Variants in KHDRBS3 observed in about 807,000 individuals in gnomAD.
The protein encoded by KHDRBS3 is KH domain-containing, RNA-binding, signal transduction-associated protein 3.
KHDRBS3 carries 23 observed loss-of-function variants against 45.6 expected under a neutral mutation model. The ratio of observed to expected loss-of-function variants is 0.50; its 90% CI spans 0.36 to 0.72. The LOEUF is 0.72. Ranked by LOEUF, KHDRBS3 falls within the 30% of genes least tolerant of loss-of-function variation. KHDRBS3 has a pLI of 0.00. For missense variants in KHDRBS3, 352 were observed against 424.8 expected (o/e 0.83, Z 1.51); for synonymous variants, 162 against 156.5 (o/e 1.04, Z -0.26).
At chr8:135,565,725 G>T (rs1284547563) in intron 5 of KHDRBS3, among the ~76,000 whole-genome samples, 1 of 152,096 alleles carries the variant, frequency 6.6e-6, no homozygotes, top group African/African-American at 2.4e-5. Context: ...AGCAGCTGTG[G>T]TTGCTGGAAA....
At chr8:135,626,378 G>GA (rs1279171737) in intron 7 of KHDRBS3, among the ~76,000 whole-genome samples, 2 of 152,146 alleles carry the variant, frequency 1.3e-5, no homozygotes, top group African/African-American at 4.8e-5. Context: ...ATGAAAACCT[G>GA]AGCCTATAAA....
chr8:135,481,275 T>G (rs77861521), intron 1 of KHDRBS3, among the ~76,000 whole-genome samples: 600 of 8,844 alleles, frequency 0.068, 17 homozygotes, highest in Admixed American at 0.23. Context: ...TCTGTGTACT[T>G]TTTTTTTTTT....
chr8:135,611,518 A>G (rs1472293264), intron 7 of KHDRBS3, among the ~76,000 whole-genome samples: 2 of 151,862 alleles, frequency 1.3e-5, no homozygotes, highest in South Asian at 2.1e-4. Context: ...TGGGGCTGCC[A>G]TAATAAAACG....
intron 7 of KHDRBS3, among the ~76,000 whole-genome samples, chr8:135,637,393 A>G (rs1317034127): frequency 6.6e-6 from 1 of 152,242 alleles, no homozygotes; most frequent in Non-Finnish European, 1.5e-5. Flanking sequence ...TAGAGCAATT[A>G]CCTGGATTAT....
chr8:135,560,167 TAC>T (rs1214832694), intron 5 of KHDRBS3, among the ~76,000 whole-genome samples: 5 of 152,178 alleles, frequency 3.3e-5, no homozygotes, highest in Middle Eastern at 3.2e-3. Context: ...TGTATATATA[TAC>T]AGTTTATTTT....
chr8:135,489,320 ATG>A (rs1314033220), intron 1 of KHDRBS3, among the ~76,000 whole-genome samples: 1 of 152,124 alleles, frequency 6.6e-6, no homozygotes, highest in Non-Finnish European at 1.5e-5. Context: ...TGGTAAGATA[ATG>A]TGTGTCTGGC....
chr8:135,545,325 C>T (rs1446698965), intron 3 of KHDRBS3, among the ~76,000 whole-genome samples: 3 of 152,094 alleles, frequency 2.0e-5, no homozygotes, highest in Non-Finnish European at 2.9e-5. Context: ...GGAACTACCT[C>T]GGCTGTGTAA....
At chr8:135,520,752 A>T (rs1824865131) in intron 1 of KHDRBS3, among the ~76,000 whole-genome samples, 1 of 152,206 alleles carries the variant, frequency 6.6e-6, no homozygotes. Flanking sequence ...ACATGCAAGG[A>T]GGGAAGATTT....
chr8:135,519,765 T>C (rs577550158), intron 1 of KHDRBS3, among the ~76,000 whole-genome samples: 13 of 152,346 alleles, frequency 8.5e-5, no homozygotes, highest in Non-Finnish European at 1.6e-4. Context: ...TAATTCTTTG[T>C]TGCTCATTCA....
intron 5 of KHDRBS3, among the ~76,000 whole-genome samples, chr8:135,559,627 C>T (rs1358848730): frequency 1.3e-5 from 2 of 152,168 alleles, no homozygotes; most frequent in East Asian, 3.9e-4. Flanking sequence ...TCCCAAAGTG[C>T]TGGGATTACA....
intron 3 of KHDRBS3, among the ~76,000 whole-genome samples, chr8:135,546,998 T>A (rs1364098895): frequency 7.2e-5 from 11 of 152,188 alleles, no homozygotes; most frequent in Non-Finnish European, 1.6e-4. Flanking sequence ...TTAACATCAT[T>A]ATTTTGATAC....
Position 135,493,163 on chromosome 8 carries a change from C to T in KHDRBS3, c.89-28074C>T, listed in dbSNP as rs1032840268. 1.3e-4 allele frequency among the ~76,000 whole-genome samples: 19 copies of T among 151,996 alleles called. No individual in the cohort carries two copies. The South Asian group carries it at 1.3e-3, about 10-fold the overall frequency. On this transcript the variant is annotated intron_variant, in intron 1 of 8. Coordinates refer to ENST00000355849, the MANE Select transcript of KHDRBS3 (RefSeq NM_006558.3). Reference sequence around the variant, plus strand: ...CACGATCTCGGCTCACTGCAAGCTCCGCCTCCCGGGTTCACACCATTCTCC... The same window carrying T: ...CACGATCTCGGCTCACTGCAAGCTCTGCCTCCCGGGTTCACACCATTCTCC...
At chr8:135,462,148 C>T (rs952359093) in intron 1 of KHDRBS3, among the ~76,000 whole-genome samples, 12 of 151,650 alleles carry the variant, frequency 7.9e-5, no homozygotes, top group African/African-American at 2.4e-4. Flanking sequence ...ATGGTGCCTT[C>T]ATGCTATAGT....
intron 1 of KHDRBS3, among the ~76,000 whole-genome samples, chr8:135,477,236 T>C (rs911503147): frequency 6.6e-6 from 1 of 152,154 alleles, no homozygotes; most frequent in Non-Finnish European, 1.5e-5. Context: ...AAACTAAGCC[T>C]GAGAAGTTAA....
chr8:135,550,183 C>T (rs2130803374), intron 4 of KHDRBS3, among the ~76,000 whole-genome samples: 1 of 152,152 alleles, frequency 6.6e-6, no homozygotes, highest in African/African-American at 2.4e-5. Flanking sequence ...GCAGATCTAG[C>T]CAGGTGAAAC....
chr8:135,457,800 C>A lies in KHDRBS3; in HGVS notation c.-67C>A, dbSNP rs1821185032. On this transcript the variant is annotated 5_prime_UTR_variant, in exon 1 of 9. Transcript: ENST00000355849. This position sits in a 1 kb window ranked among gnomAD's most constrained non-coding sequence, Gnocchi z 4.4. ...CCGCCGCTGGGGGCGCGGGCGGGGT[C>A]GGGGGTTGCCGGGCGCCGCCCCCCG... 9.4e-7 allele frequency: 1 copy of A among 1,060,608 alleles called. No homozygotes were observed. The highest frequency in any genetic ancestry group is 3.0e-5 in the Admixed American group (1 of 33,308). 65.7% of individuals were successfully genotyped at this position (1,060,608 alleles called of 1,614,324 possible). A position where few individuals can be genotyped will look rare whatever the true frequency, so the allele number is the denominator to read the frequency against.
intron 6 of KHDRBS3, among the ~76,000 whole-genome samples, chr8:135,591,224 A>AT (rs1407378462): frequency 6.6e-6 from 1 of 152,220 alleles, no homozygotes; most frequent in Non-Finnish European, 1.5e-5. Context: ...CACCCTGTCA[A>AT]TGTATTCTAA....
rs79747367 is a variant in KHDRBS3, at chr8:135,574,387, A to T, written c.612-7491A>T. ...ATAGATAAGCGTCCAGAACAACTAG[A>T]TATATATCAAATGACTTGTCTAAAA... is the stretch of plus-strand genomic sequence containing the variant. On this transcript the variant is annotated intron_variant, in intron 5 of 8. Coordinates refer to ENST00000355849, the MANE Select transcript of KHDRBS3 (RefSeq NM_006558.3). 1.2e-4 allele frequency among the ~76,000 whole-genome samples: 19 copies of T among 152,330 alleles called. No individual in the cohort carries two copies. The East Asian group carries it at 3.7e-3, about 29-fold the overall frequency.
At chr8:135,462,601 A>G (rs1222412625) in intron 1 of KHDRBS3, among the ~76,000 whole-genome samples, 1 of 152,098 alleles carries the variant, frequency 6.6e-6, no homozygotes, top group Non-Finnish European at 1.5e-5. Context: ...CAGCTTGTGG[A>G]CATTTTTGAG....
Sources: allele counts gnomAD v4.1 joint callset (sites outside exome capture counted in the v4.1 genomes callset), GRCh38; gene constraint gnomAD v4.1.1; non-coding constraint Gnocchi (gnomAD v3.1); transcripts MANE v1.5; gene names NCBI Gene and HGNC (gene_info 2026-07-23, HGNC 2026-07-21).